Variants in ZC3H15 observed in about 807,000 individuals in gnomAD.
The protein encoded by ZC3H15 is zinc finger CCCH domain-containing protein 15.
ZC3H15 carries 15 observed loss-of-function variants against 51.2 expected under a neutral mutation model. The ratio of observed to expected loss-of-function variants is 0.29; its 90% confidence interval spans 0.20 to 0.45. The LOEUF (loss-of-function observed/expected upper bound fraction) is 0.45. ZC3H15 is among the 20% of genes least tolerant of loss of function. The probability of loss-of-function intolerance (pLI) is 1.00; values close to 1 mark genes in which losing one functional copy is unlikely to be tolerated. For synonymous variants in ZC3H15, 144 were observed against 162.8 expected, an observed-to-expected ratio of 0.88 and a Z score of 0.88; for missense variants, 381 against 494.7, an observed-to-expected ratio of 0.77 and a Z score of 2.18.
intron 3 of ZC3H15, 76 bp from the exon 4 acceptor site, chr2:186,501,197 C>A (rs1685377021): frequency 2.1e-6 from 3 of 1,420,858 alleles, no homozygotes; most frequent in Middle Eastern, 1.9e-4. Context: ...AACCAAAATT[C>A]ATCATATTTC....
chr2:186,501,863 C>T (rs935536329), intron 4 of ZC3H15, among the ~76,000 whole-genome samples: 6 of 151,962 alleles, frequency 3.9e-5, no homozygotes, highest in Admixed American at 1.3e-4. Flanking sequence ...AGGGTCGTGC[C>T]GCCACGCCCA....
At chr2:186,487,838 C>A (rs929075753) in intron 1 of ZC3H15, among the ~76,000 whole-genome samples, 2 of 152,176 alleles carry the variant, frequency 1.3e-5, no homozygotes, top group Non-Finnish European at 2.9e-5. Context: ...TTAAATTATA[C>A]TTCATGCATT....
rs1421716900 is a variant in ZC3H15, at chr2:186,505,841, G to T, written c.966G>T (p.Glu322Asp). The T allele has an allele frequency of 1.7e-5, 27 of 1,613,576 alleles. No homozygotes were observed. Among genetic ancestry groups the T allele is most frequent in the Non-Finnish European group, 2.2e-5 (26 of 1,179,804 alleles). ...ACACCCAGGGAACAGGTGGTGATGA[G>T]GTAAGAGGAAGCTTTGTGCCTCATC... The part of the protein sequence containing the change: ...TRYTQGTGGD[E>D]VDDSVSVNDI... The change falls in exon 8 of 10, where the codon GAG (glutamate) becomes GAT (aspartate). Residue 322 changes from glutamate to aspartate, a missense_variant and splice_region_variant. Glu to Asp is a conservative substitution (Grantham distance 45). This residue lies in a region of ZC3H15 where 215 missense variants were observed against 241.8 expected (regional missense o/e 0.89). Transcript: ENST00000337859.
At position 186,505,846 on chromosome 2, in the gene ZC3H15, G is replaced by A. The variant is rs772819856; in HGVS notation, c.966+5G>A. 6 of 1,613,302 alleles carry A rather than the reference G, an allele frequency of 3.7e-6. No individual in the cohort carries two copies. Among genetic ancestry groups the A allele is most frequent in the South Asian group, 2.2e-5 (2 of 90,868 alleles). ...CAGGGAACAGGTGGTGATGAGGTAA[G>A]AGGAAGCTTTGTGCCTCATCTCCTT... On this transcript the variant is annotated splice_donor_5th_base_variant and intron_variant, in intron 8 of 9. Transcript: ENST00000337859.
intron 1 of ZC3H15, among the ~76,000 whole-genome samples, chr2:186,487,890 T>C (rs969279768): frequency 1.3e-5 from 2 of 152,206 alleles, no homozygotes; most frequent in African/African-American, 4.8e-5. Flanking sequence ...TTTTAATTAG[T>C]AGGACTAGTA....
chr2:186,497,852 T>C (rs1207860893), intron 2 of ZC3H15, among the ~76,000 whole-genome samples: 1 of 152,192 alleles, frequency 6.6e-6, no homozygotes. Flanking sequence ...ACTGGACTTA[T>C]CTGTGAACAT....
chr2:186,503,928 G>A, intron 5 of ZC3H15, 104 bp from the exon 6 acceptor site: 1 of 873,056 alleles, frequency 1.1e-6, no homozygotes. Flanking sequence ...ATGTACTTGT[G>A]TAATATAACG....
chr2:186,502,079 T>C (rs1458961863), intron 4 of ZC3H15, among the ~76,000 whole-genome samples: 1 of 151,892 alleles, frequency 6.6e-6, no homozygotes, highest in African/African-American at 2.4e-5. Flanking sequence ...CCAGGAGCAG[T>C]GGCTCATGCC....
chr2:186,487,736 A>G (rs1036382924), intron 1 of ZC3H15, among the ~76,000 whole-genome samples: 1 of 152,238 alleles, frequency 6.6e-6, no homozygotes, highest in African/African-American at 2.4e-5. Flanking sequence ...AAAACCAAGG[A>G]CATTTTAGGG....
chr2:186,493,711 G>A (rs1397888728), intron 1 of ZC3H15, among the ~76,000 whole-genome samples: 1 of 151,820 alleles, frequency 6.6e-6, no homozygotes, highest in Non-Finnish European at 1.5e-5. Flanking sequence ...AAGACTGTAG[G>A]GAAGAATTCT....
intron 1 of ZC3H15, among the ~76,000 whole-genome samples, chr2:186,494,736 C>T (rs962054457): frequency 2.6e-5 from 4 of 152,114 alleles, no homozygotes; most frequent in African/African-American, 9.7e-5. Flanking sequence ...AACCAAACAC[C>T]TCATGTTCTC....
intron 1 of ZC3H15, 21 bp downstream of exon 1, chr2:186,486,478 C>G (rs779436874): frequency 3.3e-6 from 5 of 1,534,140 alleles, no homozygotes; most frequent in Non-Finnish European, 4.4e-6. Flanking sequence ...ACCCCTCCCC[C>G]ACTCACGCCG....
intron 2 of ZC3H15, among the ~76,000 whole-genome samples, chr2:186,499,362 C>T (rs2105590289): frequency 6.6e-6 from 1 of 152,320 alleles, no homozygotes; most frequent in African/African-American, 2.4e-5. Context: ...ACTGATGTTT[C>T]TCATACTTTA....
chr2:186,505,875 T>A (rs1685458779), intron 8 of ZC3H15, 34 bp downstream of exon 8: 2 of 1,599,360 alleles, frequency 1.3e-6, no homozygotes, highest in African/African-American at 2.7e-5. Context: ...TCTCCTTATG[T>A]TAATTGAAAG....
rs541165053 is a variant in ZC3H15 at position 186,501,490 on chromosome 2, A to G, written c.442+65A>G. The G allele has an allele frequency of 1.6e-4, 215 of 1,316,588 alleles. 2 individuals carry two copies. In the South Asian group the frequency reaches 2.4e-3, roughly 15 times the overall value. 81.6% of individuals were successfully genotyped at this position (1,316,588 alleles called of 1,614,324 possible). A position where few individuals can be genotyped will look rare whatever the true frequency, so the allele number is the denominator to read the frequency against. On this transcript the variant is annotated intron_variant, in intron 4 of 9. Transcript: ENST00000337859. ...AATACTTTCGGTTTGCTACTAAGAT[A>G]TTTATTAAATTGAAGAACATTTCAA...
At chr2:186,506,577 C>A in intron 8 of ZC3H15, 136 bp from the exon 9 acceptor site, 1 of 934,382 alleles carries the variant, frequency 1.1e-6, no homozygotes, top group Non-Finnish European at 1.5e-6. Context: ...CAGGTGTGAG[C>A]CTCCACACCT....
rs1189892809 is a variant in ZC3H15, at chr2:186,508,884, A to T, written c.*151A>T. 3 of 764,564 alleles carry T rather than the reference A, an allele frequency of 3.9e-6. No homozygotes were observed. Among genetic ancestry groups the T allele is most frequent in the Admixed American group, 2.5e-5 (1 of 40,452 alleles). The allele number at this position is 764,564 out of a possible 1,614,324, so 47.4% of individuals were successfully genotyped here. A position where few individuals can be genotyped will look rare whatever the true frequency, so the allele number is the denominator to read the frequency against. ...CCTGCAAAAAAGGCATCTTGTCCCTACATCTTCTCTTCTGACTTTGGCTAC... is the reference window on the plus strand; with the variant it reads ...CCTGCAAAAAAGGCATCTTGTCCCTTCATCTTCTCTTCTGACTTTGGCTAC... On this transcript the variant is annotated 3_prime_UTR_variant, in exon 10 of 10. Transcript: ENST00000337859.
chr2:186,490,612 C>T (rs564792057), intron 1 of ZC3H15, among the ~76,000 whole-genome samples: 2 of 152,300 alleles, frequency 1.3e-5, no homozygotes, highest in South Asian at 2.1e-4. Context: ...TCTGCCTACC[C>T]GAATGTCCCA....
At chr2:186,502,906 G>C (rs1192262423) in intron 5 of ZC3H15, among the ~76,000 whole-genome samples, 1 of 152,060 alleles carries the variant, frequency 6.6e-6, no homozygotes, top group Non-Finnish European at 1.5e-5. Context: ...TGCACAGAGT[G>C]GAAGGAGGCC....
Sources: gnomAD v4.1 joint callset for allele counts (sites outside exome capture counted in the v4.1 genomes callset) on GRCh38, gnomAD v4.1.1 for gene constraint, gnomAD v4.1.1 regional missense constraint, MANE v1.5 for transcripts, NCBI Gene and HGNC (gene_info 2026-07-23, HGNC 2026-07-21) for gene names.